MAST2: variants seen among roughly 807,000 people sequenced by gnomAD.
MAST2 encodes microtubule-associated serine/threonine-protein kinase 2.
A neutral mutation model predicts 147.4 loss-of-function variants in MAST2; 70 were observed. The ratio of observed to expected loss-of-function variants is 0.47; its 90% confidence interval spans 0.39 to 0.58. The LOEUF (loss-of-function observed/expected upper bound fraction) is 0.58. MAST2 is among the 20% of genes least tolerant of loss of function. MAST2 has a pLI of 0.00. For missense variants in MAST2, 2,080 were observed against 2,302.3 expected (o/e 0.90, Z 1.98); for synonymous variants, 869 against 896.8 (o/e 0.97, Z 0.55).
intron 10 of MAST2, among the ~76,000 whole-genome samples, chr1:46,017,937 T>A (rs1383800043): frequency 6.6e-6 from 1 of 152,252 alleles, no homozygotes; most frequent in South Asian, 2.1e-4. Flanking sequence ...TATTTACTAC[T>A]CAATCTTCTG....
chr1:45,938,310 G>A (rs1656602951), intron 4 of MAST2, among the ~76,000 whole-genome samples: 1 of 151,996 alleles, frequency 6.6e-6, no homozygotes, highest in African/African-American at 2.4e-5. Flanking sequence ...TGTGTTGTAT[G>A]GTAAGTTTAT....
chr1:45,945,936 T>C (rs770817799), intron 4 of MAST2, among the ~76,000 whole-genome samples: 2 of 152,214 alleles, frequency 1.3e-5, no homozygotes, highest in Non-Finnish European at 2.9e-5. Flanking sequence ...ATGGCCTCAG[T>C]AGTGGAAGTG....
intron 19 of MAST2, 56 bp downstream of exon 19, chr1:46,029,623 G>A: frequency 6.5e-7 from 1 of 1,541,544 alleles, no homozygotes; most frequent in Non-Finnish European, 8.9e-7. Flanking sequence ...AAGGGAGGCT[G>A]AGTCATGTAC....
intron 3 of MAST2, among the ~76,000 whole-genome samples, chr1:45,868,398 G>A (rs994055775): frequency 2.0e-5 from 3 of 152,084 alleles, no homozygotes; most frequent in Non-Finnish European, 4.4e-5. Context: ...TGCCCATAAG[G>A]CACATATAGT....
intron 10 of MAST2, among the ~76,000 whole-genome samples, chr1:46,012,113 C>CAA (rs1288419697): frequency 4.3e-4 from 65 of 152,170 alleles, no homozygotes; most frequent in Admixed American, 9.2e-4. Flanking sequence ...CCATGAAAAT[C>CAA]ACTGGTAGCT....
intron 1 of MAST2, among the ~76,000 whole-genome samples, chr1:45,808,973 A>G (rs1015738016): frequency 3.9e-5 from 6 of 152,160 alleles, no homozygotes; most frequent in Non-Finnish European, 7.3e-5. Context: ...ATGGCATACA[A>G]TATTAAAATT....
At chr1:45,908,566 C>T (rs537489830) in intron 4 of MAST2, among the ~76,000 whole-genome samples, 5 of 152,232 alleles carry the variant, frequency 3.3e-5, no homozygotes, top group South Asian at 2.1e-4. Context: ...TATGTGGTTT[C>T]GTTTCCAAAT....
At chr1:46,015,499 A>G (rs1414584210) in intron 10 of MAST2, among the ~76,000 whole-genome samples, 1 of 152,258 alleles carries the variant, frequency 6.6e-6, no homozygotes, top group Non-Finnish European at 1.5e-5. Context: ...GGATATCACC[A>G]CCAATCCCAC....
At chr1:45,899,802 C>T (rs1649429979) in intron 4 of MAST2, among the ~76,000 whole-genome samples, 1 of 151,554 alleles carries the variant, frequency 6.6e-6, no homozygotes, top group East Asian at 1.9e-4. Flanking sequence ...AAATAATTTT[C>T]TTATGCTATG....
At chr1:45,946,808 G>A (rs1283783607) in intron 4 of MAST2, among the ~76,000 whole-genome samples, 1 of 152,098 alleles carries the variant, frequency 6.6e-6, no homozygotes, top group Non-Finnish European at 1.5e-5. Flanking sequence ...TAGTCAAGGT[G>A]GTCACGACTA....
chr1:45,916,661 G>A (rs1373345044), intron 4 of MAST2, among the ~76,000 whole-genome samples: 2 of 152,132 alleles, frequency 1.3e-5, no homozygotes, highest in East Asian at 3.8e-4. Context: ...TATTCAGAAT[G>A]TTTTACTCTT....
At position 45,965,697 on chromosome 1, in the gene MAST2, G is replaced by A. The variant is rs113284284; in HGVS notation, c.592+6220G>A. The stretch of plus-strand genomic sequence containing the variant: ...TCAGTAGGTACATACCCAGCCATTC[G>A]AGAAATGGAAACTCCCTACCTTATT... On this transcript the variant is annotated intron_variant, in intron 5 of 28. Transcript: ENST00000361297. 1.3e-3 allele frequency among the ~76,000 whole-genome samples: 195 copies of A among 152,094 alleles called. 1 individual carries two copies. The Middle Eastern group carries it at 0.034, about 27-fold the overall frequency.
chr1:45,810,810 CAAAAAA>C (rs909997197), intron 1 of MAST2, among the ~76,000 whole-genome samples: 1 of 35,594 alleles, frequency 2.8e-5, no homozygotes, highest in African/African-American at 1.0e-4. Flanking sequence ...GACTCCATCT[CAAAAAA>C]AAAAAAAAAA....
chr1:46,023,435 C>G lies in MAST2; in HGVS notation c.1571+117C>G. The G allele has an allele frequency of 1.1e-6, 1 of 931,652 alleles. No homozygotes were observed. Among genetic ancestry groups the G allele is most frequent in the Non-Finnish European group, 1.7e-6 (1 of 582,668 alleles). The allele number at this position is 931,652 out of a possible 1,614,324, so 57.7% of individuals were successfully genotyped here. ...GCAGATGCCTCGGGGTGGACCTTCT[C>G]ACTCCCAGAAGCCTCCTGGGTGGGC... On this transcript the variant is annotated intron_variant, in intron 14 of 28. Transcript: ENST00000361297. This position sits in a 1 kb window ranked among gnomAD's most constrained non-coding sequence, Gnocchi z 4.9.
intron 3 of MAST2, chr1:45,847,596 G>A (rs1645482068): frequency 2.5e-6 from 2 of 806,278 alleles, no homozygotes; most frequent in South Asian, 3.0e-5. Flanking sequence ...TTTCCCTTTG[G>A]TGCTTTAGGT....
chr1:45,917,795 C>A (rs954683229), intron 4 of MAST2, among the ~76,000 whole-genome samples: 35 of 152,302 alleles, frequency 2.3e-4, no homozygotes, highest in African/African-American at 7.7e-4. Flanking sequence ...GAACTATGAC[C>A]TGTGACCACC....
chr1:46,024,839 C>A (rs781393749), intron 15 of MAST2, among the ~76,000 whole-genome samples: 2 of 152,146 alleles, frequency 1.3e-5, no homozygotes, highest in African/African-American at 4.8e-5. Context: ...CCCTCCATAC[C>A]CTGTGTATTT....
intron 3 of MAST2, chr1:45,847,269 A>T (rs1184485453): frequency 7.8e-6 from 4 of 510,736 alleles, no homozygotes; most frequent in Non-Finnish European, 1.6e-5. Flanking sequence ...CTGCTTGATG[A>T]TGGTGTCCTG....
At chr1:45,996,367 T>C (rs755243969) in intron 5 of MAST2, among the ~76,000 whole-genome samples, 6 of 151,920 alleles carry the variant, frequency 3.9e-5, no homozygotes, top group Non-Finnish European at 7.4e-5. Flanking sequence ...AAGAACAGAA[T>C]TTTTTTTAAA....
Sources: gnomAD v4.1 joint callset for allele counts (sites outside exome capture counted in the v4.1 genomes callset) on GRCh38, gnomAD v4.1.1 for gene constraint, Gnocchi (gnomAD v3.1) non-coding constraint, MANE v1.5 for transcripts, NCBI Gene and HGNC (gene_info 2026-07-23, HGNC 2026-07-21) for gene names.